Variants in NKAIN3 observed in about 807,000 individuals in gnomAD.
NKAIN3 encodes the protein sodium/potassium transporting ATPase interacting 3.
NKAIN3 carries 25 observed loss-of-function variants against 30.2 expected under a neutral mutation model. The observed-to-expected ratio is 0.83, with a 90% CI of 0.60 to 1.16. NKAIN3 has a LOEUF of 1.16. NKAIN3 is among the 50% of genes most tolerant of loss of function. The pLI, the probability that NKAIN3 is intolerant of heterozygous loss-of-function variation, is 0.00. For synonymous variants in NKAIN3, 91 were observed against 89.6 expected (o/e 1.02, Z -0.09); for missense variants, 225 against 254.1 (o/e 0.89, Z 0.78).
Position 62,511,661 on chromosome 8 carries a change from T to C in NKAIN3, c.55-67878T>C, listed in dbSNP as rs1309175727. Reference sequence around the variant, plus strand: ...GATGTACATTTGTCTCCCTCTTGCTTTCTCTACCACAGTTCCACCAGCCTT... The same window carrying C: ...GATGTACATTTGTCTCCCTCTTGCTCTCTCTACCACAGTTCCACCAGCCTT... On this transcript the variant is annotated intron_variant, in intron 1 of 6. Coordinates refer to ENST00000623646, the MANE Select transcript of NKAIN3 (RefSeq NM_001304533.3). 3.9e-5 allele frequency among the ~76,000 whole-genome samples: 6 copies of C among 152,256 alleles called. No individual in the cohort carries two copies. The East Asian group carries it at 1.2e-3, about 29-fold the overall frequency.
intron 1 of NKAIN3, among the ~76,000 whole-genome samples, chr8:62,558,089 G>T (rs974040091): frequency 2.0e-5 from 3 of 152,090 alleles, no homozygotes; most frequent in Non-Finnish European, 2.9e-5. Flanking sequence ...TTTGTGTAAG[G>T]TGAGAGAGGA....
chr8:62,435,724 T>C (rs1805151172), intron 1 of NKAIN3, among the ~76,000 whole-genome samples: 1 of 152,166 alleles, frequency 6.6e-6, no homozygotes, highest in Admixed American at 6.6e-5. Flanking sequence ...TTTGGAAATA[T>C]AAAAAATTAA....
intron 1 of NKAIN3, among the ~76,000 whole-genome samples, chr8:62,479,950 TC>T (rs1806660527): frequency 6.6e-6 from 1 of 152,200 alleles, no homozygotes; most frequent in South Asian, 2.1e-4. Context: ...TCCCAGCGTT[TC>T]CCCAGAACAT....
chr8:62,989,780 T>C (rs937832074), downstream of NKAIN3, among the ~76,000 whole-genome samples: 1 of 152,234 alleles, frequency 6.6e-6, no homozygotes, highest in Non-Finnish European at 1.5e-5. Context: ...CTTGGCAGAA[T>C]TGGTCTTTCT....
At chr8:62,306,536 TTGTG>T (rs10552182) in intron 1 of NKAIN3, among the ~76,000 whole-genome samples, 74,250 of 135,786 alleles carry the variant, frequency 0.55, 20,413 homozygotes, top group East Asian at 0.58. Flanking sequence ...TTTGAAGGCT[TTGTG>T]TGTGTGTGTG....
At chr8:62,947,757 T>C (rs544416211) in intron 5 of NKAIN3, among the ~76,000 whole-genome samples, 4 of 152,286 alleles carry the variant, frequency 2.6e-5, no homozygotes, top group African/African-American at 9.6e-5. Flanking sequence ...GTAGAGCCCC[T>C]TGTGGAGAGC....
At chr8:62,815,142 C>T (rs1279870878) in intron 4 of NKAIN3, among the ~76,000 whole-genome samples, 8 of 151,564 alleles carry the variant, frequency 5.3e-5, no homozygotes, top group Non-Finnish European at 8.8e-5. Flanking sequence ...AATTCCTTGA[C>T]ACATACACCC....
chr8:62,707,654 A>G (rs1425386778), intron 3 of NKAIN3, among the ~76,000 whole-genome samples: 1 of 151,802 alleles, frequency 6.6e-6, no homozygotes, highest in Non-Finnish European at 1.5e-5. Flanking sequence ...GATTGTGAAG[A>G]TTTTCTCCCA....
At chr8:62,682,362 G>C (rs747082542) in intron 3 of NKAIN3, among the ~76,000 whole-genome samples, 1 of 152,134 alleles carries the variant, frequency 6.6e-6, no homozygotes, top group Admixed American at 6.5e-5. Context: ...GCCATTTCTG[G>C]TCTCACAGGG....
At chr8:62,455,485 A>T (rs1805785818) in intron 1 of NKAIN3, among the ~76,000 whole-genome samples, 1 of 152,200 alleles carries the variant, frequency 6.6e-6, no homozygotes. Context: ...ATGGAAATAA[A>T]GATGGCAATG....
chr8:62,645,563 C>T (rs771636882), intron 3 of NKAIN3, among the ~76,000 whole-genome samples: 2 of 152,112 alleles, frequency 1.3e-5, no homozygotes, highest in Non-Finnish European at 2.9e-5. Flanking sequence ...CTTTTAAATC[C>T]TTCCCCTTTT....
In NKAIN3 at chr8:62,425,064, T is replaced by C. The variant is rs546958751; in HGVS notation, c.55-154475T>C. Reference sequence around the variant, plus strand: ...AAGGACAAATACTCCATGATTCCACTTATATGAGGTTATATCAAAGTCATA... The same window carrying C: ...AAGGACAAATACTCCATGATTCCACCTATATGAGGTTATATCAAAGTCATA... On this transcript the variant is annotated intron_variant, in intron 1 of 6. Coordinates refer to ENST00000623646, the MANE Select transcript of NKAIN3 (RefSeq NM_001304533.3). Among the ~76,000 whole-genome samples, 9 of 151,884 alleles carry C rather than the reference T, an allele frequency of 5.9e-5. No homozygotes were observed. The East Asian group carries it at 1.4e-3, about 23-fold the overall frequency.
At chr8:62,772,226 T>G (rs1817037539) in intron 4 of NKAIN3, among the ~76,000 whole-genome samples, 1 of 152,222 alleles carries the variant, frequency 6.6e-6, no homozygotes, top group African/African-American at 2.4e-5. Flanking sequence ...TCTATGTTGT[T>G]GCAAATGACA....
At chr8:62,772,282 ACCACATTTTCTTTAT>A (rs939408428) in intron 4 of NKAIN3, among the ~76,000 whole-genome samples, 3 of 152,186 alleles carry the variant, frequency 2.0e-5, no homozygotes, top group Non-Finnish European at 4.4e-5. Flanking sequence ...GTGTATGTAT[ACCACATTTTCTTTAT>A]CCATTCATCT....
chr8:62,253,967 T>C (rs1422278983), intron 1 of NKAIN3, among the ~76,000 whole-genome samples: 1 of 152,240 alleles, frequency 6.6e-6, no homozygotes, highest in Non-Finnish European at 1.5e-5. Flanking sequence ...TTCTCTTTCT[T>C]TATTTCAATA....
chr8:62,833,743 T>C (rs1334531832), intron 4 of NKAIN3, among the ~76,000 whole-genome samples: 2 of 150,296 alleles, frequency 1.3e-5, no homozygotes, highest in Admixed American at 6.6e-5. Flanking sequence ...TCCTGCAAGA[T>C]GTACAAAGAA....
At chr8:62,798,831 AC>A (rs1817957231) in intron 4 of NKAIN3, among the ~76,000 whole-genome samples, 1 of 152,184 alleles carries the variant, frequency 6.6e-6, no homozygotes, top group Non-Finnish European at 1.5e-5. Context: ...TAGGAAGAGT[AC>A]CAAAAATGTT....
intron 4 of NKAIN3, among the ~76,000 whole-genome samples, chr8:62,837,378 G>A (rs1313763115): frequency 2.6e-5 from 4 of 152,174 alleles, no homozygotes; most frequent in Admixed American, 6.6e-5. Context: ...ACATAGAGGC[G>A]GAGGAAACGC....
intron 1 of NKAIN3, among the ~76,000 whole-genome samples, chr8:62,506,228 T>TGGAG (rs538711855): frequency 7.7e-6 from 1 of 129,136 alleles, no homozygotes; most frequent in Non-Finnish European, 1.6e-5. Flanking sequence ...ATGAGAATAT[T>TGGAG]GGGGGGGGGG....
Sources: allele counts gnomAD v4.1 joint callset (sites outside exome capture counted in the v4.1 genomes callset), GRCh38; gene constraint gnomAD v4.1.1; transcripts MANE v1.5; gene names NCBI Gene and HGNC (gene_info 2026-07-23, HGNC 2026-07-21).